MARF1: variants seen among roughly 807,000 people sequenced by gnomAD.
MARF1 encodes meiosis regulator and mRNA stability factor 1, also known as limkain-b1.
MARF1 carries 24 observed loss-of-function variants against 168.2 expected under a neutral mutation model. The observed-to-expected ratio is 0.14, with a 90% CI of 0.10 to 0.20. The LOEUF is 0.20. Ranked by LOEUF, MARF1 falls within the 10% of genes least tolerant of loss-of-function variation. MARF1 has a pLI of 1.00. For missense variants in MARF1, 1,744 were observed against 2,143.6 expected (o/e 0.81, Z 3.68); for synonymous variants, 868 against 822.4 (o/e 1.06, Z -0.95).
chr16:15,606,748 G>T (rs1954916348), intron 21 of MARF1, among the ~76,000 whole-genome samples: 1 of 151,984 alleles, frequency 6.6e-6, no homozygotes, highest in African/African-American at 2.4e-5. Flanking sequence ...TCTCGCCCTT[G>T]TATGTTCATC....
At chr16:15,599,248 C>A (rs2032151225) in intron 25 of MARF1, 3 of 574,024 alleles carry the variant, frequency 5.2e-6, no homozygotes, top group Non-Finnish European at 9.2e-6. Flanking sequence ...TTCTGAAGAT[C>A]CGTGTTCTTA....
chr16:15,598,783 A>T, intron 26 of MARF1, 71 bp downstream of exon 26: 1 of 1,425,284 alleles, frequency 7.0e-7, no homozygotes, highest in Non-Finnish European at 9.9e-7. Flanking sequence ...GTCATTTACT[A>T]TATCAGTATC....
rs2032332528 is a variant in MARF1, at chr16:15,600,622, G to A, written c.4687+19C>T. On this transcript the variant is annotated intron_variant, in intron 24 of 26. Transcript: ENST00000396368. The stretch of plus-strand genomic sequence containing the variant: ...GAACCGTGATTTTTTAAGGGGGGAG[G>A]GGATGGGTGCTTACTTACTTTTCAT... The A allele has an allele frequency of 6.2e-7, 1 of 1,613,956 alleles. No homozygotes were observed. Among genetic ancestry groups the A allele is most frequent in the Non-Finnish European group, 8.5e-7 (1 of 1,180,014 alleles).
rs2150995484 is a variant in MARF1, at chr16:15,596,452, T to A, written c.*241A>T. The A allele has an allele frequency of 2.8e-6, 1 of 358,500 alleles. No individual in the cohort carries two copies. Among genetic ancestry groups the A allele is most frequent in the East Asian group, 4.4e-5 (1 of 22,980 alleles). 22.2% of individuals were successfully genotyped at this position (358,500 alleles called of 1,614,324 possible). A position where few individuals can be genotyped will look rare whatever the true frequency, so the allele number is the denominator to read the frequency against. ...TTGGTAAAATATATTAAGGATTCTT[T>A]AACAAATGCCACAAGTTCTTCAAAT... On this transcript the variant is annotated 3_prime_UTR_variant, in exon 27 of 27. Transcript: ENST00000396368.
chr16:15,599,448 G>A (rs1486742950), intron 25 of MARF1, among the ~76,000 whole-genome samples: 1 of 152,178 alleles, frequency 6.6e-6, no homozygotes, highest in Non-Finnish European at 1.5e-5. Context: ...GTGACTGCCT[G>A]AGATTTCCGA....
In MARF1 at chr16:15,627,006, G is replaced by C. The variant is rs191803039; in HGVS notation, c.1525-1206C>G. Among the ~76,000 whole-genome samples the C allele has an allele frequency of 7.6e-4, 114 of 149,134 alleles. 1 individual carries two copies. Among genetic ancestry groups the C allele is most frequent in the Admixed American group, 6.0e-3 (91 of 15,054 alleles). ...AGAAAGAAAGAAGGAAGTAGAACTG[G>C]AGAAAAAGAAAGAAAAGAGAGAGAG... On this transcript the variant is annotated intron_variant, in intron 7 of 26. Transcript: ENST00000396368.
Position 15,623,083 on chromosome 16 carries a change from C to G in MARF1, c.2311G>C (p.Ala771Pro), listed in dbSNP as rs757156757. ...PNLLNRASPLAFNIANSSSEA... is the reference protein window; with the variant it reads ...PNLLNRASPLPFNIANSSSEA... Reference sequence around the variant, plus strand: ...CTGCTCGAATTTGCAATGTTGAAAGCAAGCGGGGATGCTCTGTTTAAAAGG... The same window carrying G: ...CTGCTCGAATTTGCAATGTTGAAAGGAAGCGGGGATGCTCTGTTTAAAAGG... Residue 771 changes from alanine to proline, a missense_variant, in exon 11 of 27, where the codon GCT becomes CCT. Transcript: ENST00000396368. 6.2e-7 allele frequency: 1 copy of G among 1,609,566 alleles called. No individual in the cohort carries two copies. The highest frequency in any genetic ancestry group is 8.5e-7 in the Non-Finnish European group (1 of 1,176,198).
Position 15,594,844 on chromosome 16 carries a change from C to A in MARF1, c.*1849G>T, listed in dbSNP as rs142945533. 6.5e-4 allele frequency: 100 copies of A among 152,708 alleles called. No individual in the cohort carries two copies. Among genetic ancestry groups the A allele is most frequent in the African/African-American group, 2.4e-3 (99 of 41,544 alleles). The allele number at this position is 152,708 out of a possible 1,614,324, so 9.5% of individuals were successfully genotyped here. Reference sequence around the variant, plus strand: ...AGTGAATGGTACTCAGACACACTCACGGGACAGCACAGAACTTGATTCTTC... The same window carrying A: ...AGTGAATGGTACTCAGACACACTCAAGGGACAGCACAGAACTTGATTCTTC... On this transcript the variant is annotated 3_prime_UTR_variant, in exon 27 of 27. Coordinates refer to ENST00000396368, the MANE Select transcript of MARF1 (RefSeq NM_014647.4).
At chr16:15,602,281 GGGAAA>G (rs1327966702) in intron 22 of MARF1, 78 bp from the exon 23 acceptor site, 5 of 1,158,134 alleles carry the variant, frequency 4.3e-6, no homozygotes, top group Non-Finnish European at 6.4e-6. Flanking sequence ...CTCCCACTGA[GGGAAA>G]AGGCCCAGAG....
At chr16:15,623,220 G>T in intron 10 of MARF1, 97 bp from the exon 11 acceptor site, 1 of 678,172 alleles carries the variant, frequency 1.5e-6, no homozygotes. Flanking sequence ...TACAGAAGCA[G>T]ATTTTCCACA....
chr16:15,606,910 C>G (rs2033064295), intron 21 of MARF1, among the ~76,000 whole-genome samples: 1 of 152,178 alleles, frequency 6.6e-6, no homozygotes, highest in South Asian at 2.1e-4. Context: ...GCAGACAAAC[C>G]AGGATGCTGT....
In MARF1 at chr16:15,639,155, A is replaced by G; in HGVS notation, c.79T>C (p.Trp27Arg). The G allele has an allele frequency of 6.2e-7, 1 of 1,614,226 alleles. No individual in the cohort carries two copies. Residue 27 changes from tryptophan (W) to arginine (R), a missense_variant, in exon 2 of 27, where the codon TGG becomes CGG. Trp to Arg is a moderately radical substitution (Grantham distance 101). Around this residue, in one of 7 missense-constraint regions of MARF1, gnomAD observed 318 missense variants for 336.6 expected, o/e 0.94. Coordinates refer to ENST00000396368, the MANE Select transcript of MARF1 (RefSeq NM_014647.4). The stretch of plus-strand genomic sequence containing the variant: ...AAGCAATTAGAGAATTTCCAAAGCC[A>G]TGGCTTAGCATCATTATCTTGTTGA... ...WLQQDNDAKP[W>R]LWKFSNCFSR...
chr16:15,602,411 C>G (rs900341608), intron 22 of MARF1: 2 of 602,996 alleles, frequency 3.3e-6, no homozygotes, highest in Non-Finnish European at 5.8e-6. Context: ...AAGACAACAA[C>G]AAAGAAGATG....
intron 1 of MARF1, among the ~76,000 whole-genome samples, chr16:15,642,253 T>C (rs944237184): frequency 3.9e-5 from 6 of 152,194 alleles, no homozygotes; most frequent in African/African-American, 1.4e-4. Flanking sequence ...ACGGCCTTTT[T>C]AGCTTATTTT....
chr16:15,612,643 G>A lies in MARF1; in HGVS notation c.3388C>T (p.His1130Tyr). The A allele has an allele frequency of 6.2e-7, 1 of 1,614,168 alleles. No individual in the cohort carries two copies. Among genetic ancestry groups the A allele is most frequent in the Non-Finnish European group, 8.5e-7 (1 of 1,180,026 alleles). ...PISHFIPSYH[H>Y]HFAKQCRVSD... is the part of the protein sequence containing the mutation. ...ACTCGGCACTGCTTTGCAAAATGAT[G>A]GTGATAGGATGGGATGAAATGACTG... The change falls in exon 17 of 27, where the codon CAT becomes TAT. Residue 1130 changes from histidine to tyrosine, a missense_variant. Around this residue, in one of 7 missense-constraint regions of MARF1, gnomAD observed 543 missense variants for 742.1 expected, o/e 0.73. Transcript: ENST00000396368.
At chr16:15,639,361 G>A (rs2035799697) in intron 1 of MARF1, 70 bp from the exon 2 acceptor site, 2 of 1,006,300 alleles carry the variant, frequency 2.0e-6, no homozygotes, top group South Asian at 3.1e-5. Context: ...ATACTAAAAT[G>A]TGAAACCACA....
At position 15,596,735 on chromosome 16, in the gene MARF1, T is replaced by C; in HGVS notation, c.5187A>G (p.Lys1729=). The change falls in exon 27 of 27, where the codon AAA becomes AAG. Residue 1729 remains lysine (K), a synonymous_variant. Coordinates refer to ENST00000396368, the MANE Select transcript of MARF1 (RefSeq NM_014647.4). ...GTGCTAAGGAAAAGTTGGCTGCCAA[T>C]TTGACTCTATTTTTGGGTTGCTTTT... ...PAKKQPKNRV[K]LAANFSLAPI... 6.2e-7 allele frequency: 1 copy of C among 1,608,194 alleles called. No homozygotes were observed.
At chr16:15,617,263 A>G (rs747832049) in intron 14 of MARF1, 36 bp downstream of exon 14, 12 of 1,610,456 alleles carry the variant, frequency 7.5e-6, no homozygotes, top group African/African-American at 2.7e-5. Context: ...AATCTTATAG[A>G]AAAGAATTAC....
At chr16:15,602,721 G>C (rs1002801046) in intron 22 of MARF1, 1 of 445,134 alleles carries the variant, frequency 2.2e-6, no homozygotes, top group African/African-American at 2.0e-5. Flanking sequence ...AGTTCTATTT[G>C]CAAGTCGAAG....
Sources: allele counts gnomAD v4.1 joint callset (sites outside exome capture counted in the v4.1 genomes callset), GRCh38; gene constraint gnomAD v4.1.1; regional missense constraint gnomAD v4.1.1; transcripts MANE v1.5; gene names NCBI Gene and HGNC (gene_info 2026-07-23, HGNC 2026-07-21).